The following PTPRG variants were observed in gnomAD, a reference collection of about 807,000 sequenced individuals.
The protein encoded by PTPRG is protein tyrosine phosphatase receptor type G.
A neutral mutation model predicts 165.3 loss-of-function variants in PTPRG; 102 were observed. The ratio of observed to expected loss-of-function variants is 0.62; its 90% CI spans 0.53 to 0.73. The LOEUF is 0.73. Ranked by LOEUF, PTPRG falls within the 30% of genes least tolerant of loss-of-function variation. The pLI, the probability that PTPRG is intolerant of heterozygous loss-of-function variation, is 0.00. For missense variants in PTPRG, 1,866 were observed against 1,861.4 expected (o/e 1.00, Z -0.05); for synonymous variants, 675 against 669.5 (o/e 1.01, Z -0.13).
At chr3:61,635,104 C>T (rs1370929555) in intron 1 of PTPRG, among the ~76,000 whole-genome samples, 1 of 152,034 alleles carries the variant, frequency 6.6e-6, no homozygotes, top group Non-Finnish European at 1.5e-5. Context: ...CCTGAGCATG[C>T]AATAAAGACT....
At chr3:61,709,653 C>T (rs2031451047) in intron 1 of PTPRG, among the ~76,000 whole-genome samples, 1 of 152,152 alleles carries the variant, frequency 6.6e-6, no homozygotes, top group Non-Finnish European at 1.5e-5. Flanking sequence ...TAAATACCTA[C>T]CTAATCTTGA....
intron 2 of PTPRG, among the ~76,000 whole-genome samples, chr3:61,842,360 C>A (rs778714728): frequency 6.6e-5 from 10 of 152,152 alleles, no homozygotes; most frequent in Non-Finnish European, 1.5e-4. Flanking sequence ...TGCTCTCTCG[C>A]CAGTCTGGTG....
At chr3:62,272,586 G>C (rs941401684) in intron 21 of PTPRG, among the ~76,000 whole-genome samples, 4 of 152,184 alleles carry the variant, frequency 2.6e-5, no homozygotes, top group Non-Finnish European at 5.9e-5. Flanking sequence ...GCTCACACAT[G>C]TAATTCCAGC....
At chr3:62,138,015 A>G (rs1415600010) in intron 6 of PTPRG, among the ~76,000 whole-genome samples, 3 of 152,154 alleles carry the variant, frequency 2.0e-5, no homozygotes, top group African/African-American at 7.2e-5. Context: ...GGTCATTGTC[A>G]ACTTATGCTT....
chr3:62,027,124 C>A (rs4589927), intron 4 of PTPRG, among the ~76,000 whole-genome samples: 84,971 of 151,482 alleles, frequency 0.56, 24,756 homozygotes, highest in African/African-American at 0.73. Flanking sequence ...CATAGATCCC[C>A]CTTCTCCATG....
chr3:61,874,589 G>A (rs1403299942), intron 2 of PTPRG, among the ~76,000 whole-genome samples: 3 of 151,996 alleles, frequency 2.0e-5, no homozygotes, highest in Non-Finnish European at 4.4e-5. Flanking sequence ...GACAGAGGTG[G>A]TTGATTCCCA....
chr3:61,625,906 C>T (rs747065349), intron 1 of PTPRG, among the ~76,000 whole-genome samples: 1 of 152,032 alleles, frequency 6.6e-6, no homozygotes, highest in African/African-American at 2.4e-5. Context: ...AGCTGCTTTC[C>T]TTTTCTATGC....
At chr3:61,997,682 T>C (rs953490518) in intron 3 of PTPRG, among the ~76,000 whole-genome samples, 1 of 152,250 alleles carries the variant, frequency 6.6e-6, no homozygotes, top group Non-Finnish European at 1.5e-5. Flanking sequence ...TCCCATCGGC[T>C]GTAAGTTCCA....
chr3:61,600,793 G>T (rs955746054), intron 1 of PTPRG, among the ~76,000 whole-genome samples: 3 of 152,046 alleles, frequency 2.0e-5, no homozygotes, highest in African/African-American at 7.2e-5. Context: ...CTGCTACCTC[G>T]GTGTCCCAAA....
intron 1 of PTPRG, among the ~76,000 whole-genome samples, chr3:61,711,054 G>A (rs1432872854): frequency 6.6e-6 from 1 of 152,084 alleles, no homozygotes; most frequent in Non-Finnish European, 1.5e-5. Context: ...AGTTTGCTGA[G>A]AATGATGGTT....
At chr3:62,268,416 C>T (rs966186769) in intron 19 of PTPRG, among the ~76,000 whole-genome samples, 2 of 152,084 alleles carry the variant, frequency 1.3e-5, no homozygotes, top group African/African-American at 4.8e-5. Context: ...TTGATAGGTG[C>T]ATCAAACCAC....
chr3:61,855,240 T>G (rs370675175), intron 2 of PTPRG, among the ~76,000 whole-genome samples: 2 of 152,334 alleles, frequency 1.3e-5, no homozygotes, highest in East Asian at 3.9e-4. Context: ...CTTTCATAAC[T>G]GGGCTCTTGT....
At chr3:61,910,711 A>G (rs971517548) in intron 2 of PTPRG, among the ~76,000 whole-genome samples, 7 of 152,084 alleles carry the variant, frequency 4.6e-5, no homozygotes, top group Non-Finnish European at 1.0e-4. Flanking sequence ...TTAACAATCC[A>G]AGGCTGTCAT....
intron 1 of PTPRG, among the ~76,000 whole-genome samples, chr3:61,584,371 C>A (rs1200433890): frequency 6.6e-6 from 1 of 152,174 alleles, no homozygotes; most frequent in Non-Finnish European, 1.5e-5. Flanking sequence ...TTTAACTACT[C>A]CTTAGAGTGG....
intron 1 of PTPRG, among the ~76,000 whole-genome samples, chr3:61,732,500 C>A (rs931749334): frequency 6.6e-6 from 1 of 151,126 alleles, no homozygotes. Flanking sequence ...TGGCATGAAC[C>A]CGGGAGGCGG....
At chr3:61,869,722 G>A (rs2037510851) in intron 2 of PTPRG, among the ~76,000 whole-genome samples, 1 of 151,952 alleles carries the variant, frequency 6.6e-6, no homozygotes, top group African/African-American at 2.4e-5. Flanking sequence ...GGGACCGTAG[G>A]TGCACGCCAC....
intron 1 of PTPRG, among the ~76,000 whole-genome samples, chr3:61,632,523 C>A (rs1339060750): frequency 6.6e-6 from 1 of 152,186 alleles, no homozygotes; most frequent in Non-Finnish European, 1.5e-5. Flanking sequence ...ATATGTTCAG[C>A]AGCCATTTTC....
chr3:61,701,579 A>C (rs2030962487), intron 1 of PTPRG, among the ~76,000 whole-genome samples: 1 of 152,158 alleles, frequency 6.6e-6, no homozygotes, highest in African/African-American at 2.4e-5. Flanking sequence ...CATTTCTAAC[A>C]ATTGTTATAA....
rs529999256 is a variant in PTPRG at position 62,217,085 on chromosome 3, T to C, written c.2156-1766T>C. Among the ~76,000 whole-genome samples, 56 of 152,348 alleles carry C rather than the reference T, an allele frequency of 3.7e-4. No homozygotes were observed. Among genetic ancestry groups the C allele is most frequent in the African/African-American group, 1.2e-3 (49 of 41,584 alleles). Reference sequence around the variant, plus strand: ...CTCCCCATGGGTACAGCAGTGCTACTATCTGATGTACTGATGTGTCCCCAT... The same window carrying C: ...CTCCCCATGGGTACAGCAGTGCTACCATCTGATGTACTGATGTGTCCCCAT... On this transcript the variant is annotated intron_variant, in intron 12 of 29. Transcript: ENST00000474889. The surrounding 1 kb of genome is among the most constrained non-coding windows in gnomAD (Gnocchi z 4.3).
Sources: gnomAD v4.1 joint callset for allele counts (sites outside exome capture counted in the v4.1 genomes callset) on GRCh38, gnomAD v4.1.1 for gene constraint, Gnocchi (gnomAD v3.1) non-coding constraint, MANE v1.5 for transcripts, NCBI Gene and HGNC (gene_info 2026-07-23, HGNC 2026-07-21) for gene names.